The following CACNA1C variants were observed in gnomAD, a reference collection of about 807,000 sequenced individuals.
CACNA1C encodes voltage-dependent L-type calcium channel subunit alpha-1C.
A neutral mutation model predicts 229.0 loss-of-function variants in CACNA1C; 30 were observed. The ratio of observed to expected loss-of-function variants is 0.13; its 90% CI spans 0.10 to 0.18. The LOEUF (loss-of-function observed/expected upper bound fraction) is 0.18, where lower values mean the gene tolerates loss of function less well. Ranked by LOEUF, CACNA1C falls within the 10% of genes least tolerant of loss-of-function variation. The pLI is 1.00. For synonymous variants in CACNA1C, 1,114 were observed against 1,132.5 expected (o/e 0.98, Z 0.33); for missense variants, 1,658 against 2,845.0 (o/e 0.58, Z 9.49).
chr12:2,618,460 G>C (rs11062284), intron 29 of CACNA1C, among the ~76,000 whole-genome samples: 104,654 of 152,214 alleles, frequency 0.69, 39,527 homozygotes, highest in Non-Finnish European at 0.84. Context: ...CTGTGTCAGA[G>C]CAGCGGCTCA....
At chr12:2,098,132 C>T (rs773767530) in intron 1 of CACNA1C, among the ~76,000 whole-genome samples, 6 of 152,122 alleles carry the variant, frequency 3.9e-5, no homozygotes, top group Non-Finnish European at 7.3e-5. Flanking sequence ...CTTTTCCCAC[C>T]GAACTTGGGG....
chr12:2,260,465 C>T (rs2079639780), intron 3 of CACNA1C, among the ~76,000 whole-genome samples: 1 of 143,678 alleles, frequency 7.0e-6, no homozygotes. Context: ...GACAGAGACC[C>T]TGTCTCTATT....
intron 7 of CACNA1C, among the ~76,000 whole-genome samples, chr12:2,503,708 T>G (rs2099765602): frequency 6.6e-6 from 1 of 152,180 alleles, no homozygotes; most frequent in African/African-American, 2.4e-5. Flanking sequence ...GGCGCACCAC[T>G]CCCTCTGGCT....
chr12:1,993,299 A>G, intron 1 of CACNA1C: 1 of 1,614,124 alleles, frequency 6.2e-7, no homozygotes, highest in Non-Finnish European at 8.5e-7. Flanking sequence ...AGGGTCCTGG[A>G]GTTGGAAATC....
At chr12:2,428,658 G>T (rs895052602) in intron 3 of CACNA1C, among the ~76,000 whole-genome samples, 1 of 152,182 alleles carries the variant, frequency 6.6e-6, no homozygotes, top group Admixed American at 6.5e-5. Flanking sequence ...TCTGTGCTGT[G>T]ACACTCATGG....
At chr12:2,098,549 C>CT (rs1268487607) in intron 1 of CACNA1C, among the ~76,000 whole-genome samples, 1 of 152,160 alleles carries the variant, frequency 6.6e-6, no homozygotes, top group East Asian at 1.9e-4. Context: ...ATTTCAGAGC[C>CT]TTTTACTAAT....
chr12:2,318,655 G>C (rs1424249924), intron 3 of CACNA1C, among the ~76,000 whole-genome samples: 1 of 152,210 alleles, frequency 6.6e-6, no homozygotes, highest in Non-Finnish European at 1.5e-5. Flanking sequence ...GCTTGGAGGA[G>C]TTTACAGATC....
At chr12:2,555,254 C>T (rs1271230185) in intron 10 of CACNA1C, among the ~76,000 whole-genome samples, 4 of 152,228 alleles carry the variant, frequency 2.6e-5, no homozygotes, top group Admixed American at 2.0e-4. Flanking sequence ...CCCACTTGCA[C>T]TTGTGACCCG....
intron 30 of CACNA1C, among the ~76,000 whole-genome samples, chr12:2,636,528 TCTAAA>T (rs2092722928): frequency 6.6e-6 from 1 of 152,204 alleles, no homozygotes; most frequent in African/African-American, 2.4e-5. Flanking sequence ...ATCTGACAAC[TCTAAA>T]CTACCCTTTA....
intron 1 of CACNA1C, among the ~76,000 whole-genome samples, chr12:2,086,165 G>A (rs2067567358): frequency 6.6e-6 from 1 of 152,210 alleles, no homozygotes; most frequent in Non-Finnish European, 1.5e-5. Flanking sequence ...GGCCCTTGCA[G>A]GGCAATGCCT....
chr12:2,033,337 A>G (rs2048542691), intron 1 of CACNA1C, among the ~76,000 whole-genome samples: 1 of 152,124 alleles, frequency 6.6e-6, no homozygotes, highest in South Asian at 2.1e-4. Flanking sequence ...CCTGGCCTGC[A>G]AGTCTATCCT....
At chr12:2,004,511 A>C (rs1054306548) in intron 1 of CACNA1C, 1 of 1,511,720 alleles carries the variant, frequency 6.6e-7, no homozygotes, top group Non-Finnish European at 8.8e-7. Flanking sequence ...GCTGCCTCGC[A>C]ACCGAGAACC....
intron 1 of CACNA1C, among the ~76,000 whole-genome samples, chr12:2,036,513 C>T (rs1045306749): frequency 1.3e-5 from 2 of 151,746 alleles, no homozygotes; most frequent in Admixed American, 1.3e-4. Flanking sequence ...TGCTTTGTCA[C>T]ACAGGCTGTA....
intron 9 of CACNA1C, among the ~76,000 whole-genome samples, chr12:2,546,234 C>T (rs2099880715): frequency 6.6e-6 from 1 of 152,122 alleles, no homozygotes; most frequent in Non-Finnish European, 1.5e-5. Flanking sequence ...CTATTCTGTG[C>T]AGTTGCTGGT....
intron 1 of CACNA1C, among the ~76,000 whole-genome samples, chr12:1,974,473 T>G (rs1204386883): frequency 6.6e-6 from 1 of 152,206 alleles, no homozygotes; most frequent in Non-Finnish European, 1.5e-5. Flanking sequence ...TAGACACTAA[T>G]GTACTCGTTT....
intron 3 of CACNA1C, among the ~76,000 whole-genome samples, chr12:2,316,363 G>C (rs1347827643): frequency 6.6e-6 from 1 of 152,244 alleles, no homozygotes; most frequent in Non-Finnish European, 1.5e-5. Context: ...AAATCAGTCA[G>C]TGTATGTAAT....
At chr12:2,213,626 C>T (rs1040745948) in intron 3 of CACNA1C, among the ~76,000 whole-genome samples, 1 of 152,358 alleles carries the variant, frequency 6.6e-6, no homozygotes, top group South Asian at 2.1e-4. Flanking sequence ...TGTGTCTGCT[C>T]TCCTGGTGCT....
chr12:2,213,571 G>A (rs1360717694), intron 3 of CACNA1C, among the ~76,000 whole-genome samples: 1 of 152,216 alleles, frequency 6.6e-6, no homozygotes, highest in Non-Finnish European at 1.5e-5. Flanking sequence ...CCTGGCAACA[G>A]CTTATTGTCA....
intron 3 of CACNA1C, among the ~76,000 whole-genome samples, chr12:2,442,293 A>G (rs2099236388): frequency 6.6e-6 from 1 of 152,172 alleles, no homozygotes; most frequent in Non-Finnish European, 1.5e-5. Context: ...TGATTCCTGG[A>G]ACTGGGGCTC....
Sources: gnomAD v4.1 joint callset for allele counts (sites outside exome capture counted in the v4.1 genomes callset) on GRCh38, gnomAD v4.1.1 for gene constraint, MANE v1.5 for transcripts, NCBI Gene and HGNC (gene_info 2026-07-23, HGNC 2026-07-21) for gene names.